Variants in SPACA3 observed in about 807,000 individuals in gnomAD.
SPACA3 encodes sperm acrosome associated 3.
In SPACA3, 21 loss-of-function variants were observed where a neutral mutation model predicts 24.5. The observed-to-expected ratio is 0.86, with a 90% confidence interval of 0.61 to 1.24. The LOEUF (loss-of-function observed/expected upper bound fraction) is 1.24. SPACA3 is among the 50% of genes most tolerant of loss of function. The pLI, the probability that SPACA3 is intolerant of heterozygous loss-of-function variation, is 0.00. For synonymous variants in SPACA3, 115 were observed against 106.9 expected, an observed-to-expected ratio of 1.08 and a Z score of -0.47; for missense variants, 278 against 275.5, an observed-to-expected ratio of 1.01 and a Z score of -0.06.
intron 1 of SPACA3, among the ~76,000 whole-genome samples, chr17:32,994,119 C>T (rs979394540): frequency 3.3e-5 from 5 of 152,024 alleles, no homozygotes; most frequent in East Asian, 3.9e-4. Context: ...GACAGCGTGG[C>T]GTGCTAAAGG....
intron 1 of SPACA3, among the ~76,000 whole-genome samples, chr17:32,994,911 T>C (rs1598222945): frequency 1.3e-5 from 2 of 151,800 alleles, no homozygotes; most frequent in Non-Finnish European, 1.5e-5. Context: ...GTGGTGGGGG[T>C]GGAGGAGACT....
At chr17:32,997,151 T>G in intron 3 of SPACA3, 150 bp downstream of exon 3, 1 of 926,552 alleles carries the variant, frequency 1.1e-6, no homozygotes, top group South Asian at 1.9e-5. Flanking sequence ...GGACAAGGGA[T>G]GAGGGTAGGT....
chr17:32,994,354 G>A (rs1425665550), intron 1 of SPACA3, among the ~76,000 whole-genome samples: 2 of 152,110 alleles, frequency 1.3e-5, no homozygotes, highest in Non-Finnish European at 2.9e-5. Flanking sequence ...GAAGAAACAA[G>A]CCTCAGGGAG....
In SPACA3 at chr17:32,996,970, C is replaced by T. The variant is rs16967849; in HGVS notation, c.471C>T (p.Asn157=). Residue 157 remains asparagine (N), a synonymous_variant, in exon 3 of 5, where the codon AAC becomes AAT. Coordinates refer to ENST00000269053, the MANE Select transcript of SPACA3 (RefSeq NM_173847.5). ...SRRWCSNLTP[N]VPNVCRMYCS... is the part of the protein sequence containing the mutation. ...GGTGGTGCAGCAACCTCACCCCGAACGTCCCCAACGTGTGCCGGATGTACT... is the reference window on the plus strand; with the variant it reads ...GGTGGTGCAGCAACCTCACCCCGAATGTCCCCAACGTGTGCCGGATGTACT... 6.9e-3 allele frequency: 11,006 copies of T among 1,584,454 alleles called. 410 individuals are homozygous for T. In the South Asian group the frequency reaches 0.083, roughly 12 times the overall value.
At position 32,997,344 on chromosome 17, in the gene SPACA3, T is replaced by TGTAGAG. The variant is rs140846693; in HGVS notation, c.503-101_503-100insGTAGAG. On this transcript the variant is annotated intron_variant, in intron 3 of 4. Coordinates refer to ENST00000269053, the MANE Select transcript of SPACA3 (RefSeq NM_173847.5). The stretch of plus-strand genomic sequence containing the variant: ...GTGTGTGTGTGTGTGTGTGTGTGTG[T>TGTAGAG]AGAGAGAGAGAGAGAGACAGACAGA... 4,156 of 599,130 alleles carry TGTAGAG rather than the reference T, an allele frequency of 6.9e-3. 9 individuals carry two copies. Among genetic ancestry groups the TGTAGAG allele is most frequent in the African/African-American group, 0.015 (666 of 45,618 alleles). The allele number at this position is 599,130 out of a possible 1,614,324, so 37.1% of individuals were successfully genotyped here. A position where few individuals can be genotyped will look rare whatever the true frequency, so the allele number is the denominator to read the frequency against.
At chr17:32,992,519 G>C (rs937748516) in intron 1 of SPACA3, among the ~76,000 whole-genome samples, 2 of 152,192 alleles carry the variant, frequency 1.3e-5, no homozygotes, top group African/African-American at 4.8e-5. Flanking sequence ...AAGACATGCA[G>C]ATAAATAAGA....
Position 32,993,256 on chromosome 17 carries a change from A to G in SPACA3, c.34+1284A>G, listed in dbSNP as rs189902258. 7.9e-5 allele frequency among the ~76,000 whole-genome samples: 12 copies of G among 152,360 alleles called. No homozygotes were observed. The East Asian group carries it at 2.3e-3, about 29-fold the overall frequency. On this transcript the variant is annotated intron_variant, in intron 1 of 4. Coordinates refer to ENST00000269053, the MANE Select transcript of SPACA3 (RefSeq NM_173847.5). The stretch of plus-strand genomic sequence containing the variant: ...GCTGGGTTTGAGGTGCCTGCAGGGC[A>G]TTCAAGTGGAAGTGTCCTGCCAGTA...
At position 32,995,714 on chromosome 17, in the gene SPACA3, G is replaced by A. The variant is rs762952782; in HGVS notation, c.340G>A (p.Asp114Asn). The A allele has an allele frequency of 2.5e-6, 4 of 1,611,372 alleles. 1 individual carries two copies. The highest frequency in any genetic ancestry group is 2.5e-6 in the Non-Finnish European group (3 of 1,177,790). ...CGGATACCGGGGATACAGCCTGGCT[G>A]ACTGTGAGAACCCCTCTCCCTGGCG... ...LDGYRGYSLA[D>N]WVCLAYFTSG... Residue 114 changes from aspartate (D) to asparagine (N), a missense_variant, in exon 2 of 5, where the codon GAC (aspartate) becomes AAC (asparagine). Physicochemically the swap from Asp to Asn is conservative, Grantham distance 23 (BLOSUM62 1). Coordinates refer to ENST00000269053, the MANE Select transcript of SPACA3 (RefSeq NM_173847.5).
rs1224104602 is a variant in SPACA3, at chr17:32,995,324, T to G, written c.35-85T>G. 25 of 1,320,726 alleles carry G rather than the reference T, an allele frequency of 1.9e-5. 1 individual carries two copies. The Admixed American group carries it at 5.5e-4, about 29-fold the overall frequency. The allele number at this position is 1,320,726 out of a possible 1,614,324, so 81.8% of individuals were successfully genotyped here. A position where few individuals can be genotyped will look rare whatever the true frequency, so the allele number is the denominator to read the frequency against. Reference sequence around the variant, plus strand: ...GGGGCTGGTCTCGGGGTCAGGGTGATGCTGATCAGGAATGCAAGGGGGCTG... The same window carrying G: ...GGGGCTGGTCTCGGGGTCAGGGTGAGGCTGATCAGGAATGCAAGGGGGCTG... On this transcript the variant is annotated intron_variant, in intron 1 of 4. Transcript: ENST00000269053.
chr17:32,995,608 C>T lies in SPACA3; in HGVS notation c.234C>T (p.Leu78=), dbSNP rs777105777. The T allele has an allele frequency of 1.9e-6, 3 of 1,614,236 alleles. No homozygotes were observed. The East Asian group carries it at 6.7e-5, about 36-fold the overall frequency. The change falls in exon 2 of 5, where the codon CTC becomes CTT. Residue 78 remains leucine, a synonymous_variant. Transcript: ENST00000269053. ...GIMLLALVCL[L]SCLLPSSEAK... ...TGTTGTTGGCCCTGGTCTGTCTGCT[C>T]AGCTGCCTGCTACCCTCCAGTGAGG... is the stretch of plus-strand genomic sequence containing the variant.
intron 1 of SPACA3, chr17:32,992,979 A>G (rs1168060206): frequency 6.4e-6 from 3 of 470,540 alleles, no homozygotes; most frequent in Non-Finnish European, 1.3e-5. Flanking sequence ...ATGATACAAG[A>G]AGACCATGAA....
At chr17:32,993,144 T>C (rs1468850729) in intron 1 of SPACA3, 1 of 368,018 alleles carries the variant, frequency 2.7e-6, no homozygotes, top group South Asian at 2.1e-5. Flanking sequence ...TTTGGGTAAA[T>C]GTGTGGCCCA....
intron 1 of SPACA3, chr17:32,992,811 G>A (rs1482498262): frequency 1.5e-5 from 7 of 451,850 alleles, no homozygotes; most frequent in Non-Finnish European, 3.2e-5. Flanking sequence ...GAGGGAGTGG[G>A]CCGCAGGGCT....
intron 3 of SPACA3, 132 bp from the exon 4 acceptor site, chr17:32,997,312 AG>A: frequency 2.0e-6 from 1 of 511,104 alleles, no homozygotes; most frequent in Non-Finnish European, 3.3e-6. Flanking sequence ...AGGCGAGTGG[AG>A]TGTGTGTGTG....
chr17:32,997,733 C>A lies in SPACA3; in HGVS notation c.603C>A (p.Cys201Ter), dbSNP rs1471557549. The stretch of plus-strand genomic sequence containing the variant: ...TCAGGGAGGCCTGGAGGCATCACTG[C>A]CAGGGAAAAGACCTCACTGAATGGG... ...LGYWEAWRHH[C>*]QGKDLTEWVD... Residue 201 changes from cysteine to a stop codon, truncating the protein, a stop_gained, in exon 5 of 5, where the codon TGC becomes TGA. Coordinates refer to ENST00000269053, the MANE Select transcript of SPACA3 (RefSeq NM_173847.5). LOFTEE classifies it high-confidence loss of function. 1.9e-6 allele frequency: 3 copies of A among 1,614,202 alleles called. No homozygotes were observed. The East Asian group carries it at 6.7e-5, about 36-fold the overall frequency.
At chr17:32,997,098 G>C in intron 3 of SPACA3, 97 bp downstream of exon 3, 1 of 1,385,740 alleles carries the variant, frequency 7.2e-7, no homozygotes, top group Non-Finnish European at 9.6e-7. Context: ...TCTGAGTGAG[G>C]GTTCCCCCAC....
At chr17:32,997,594 C>A (rs1395476221) in intron 4 of SPACA3, 71 bp downstream of exon 4, 5 of 1,549,400 alleles carry the variant, frequency 3.2e-6, no homozygotes, top group Non-Finnish European at 4.5e-6. Context: ...AGGGAACAAA[C>A]CCCTTTCCTT....
chr17:32,996,669 C>G (rs28961), intron 2 of SPACA3, among the ~76,000 whole-genome samples, 174 bp from the exon 3 acceptor site: 40,403 of 150,596 alleles, frequency 0.27, 7,768 homozygotes, highest in African/African-American at 0.55. Context: ...AGTCGCTGTG[C>G]ACCTCTAAGC....
chr17:32,993,312 C>A (rs770890578), intron 1 of SPACA3, among the ~76,000 whole-genome samples: 7 of 152,184 alleles, frequency 4.6e-5, no homozygotes, highest in Non-Finnish European at 1.0e-4. Flanking sequence ...GAAGATGCCA[C>A]AGGGGTTGCC....
Sources: allele counts gnomAD v4.1 joint callset (sites outside exome capture counted in the v4.1 genomes callset), GRCh38; gene constraint gnomAD v4.1.1; transcripts MANE v1.5; gene names NCBI Gene and HGNC (gene_info 2026-07-23, HGNC 2026-07-21).